Variants in MTHFD2L observed in about 807,000 individuals in gnomAD.
MTHFD2L encodes methylenetetrahydrofolate dehydrogenase (NADP+ dependent) 2 like.
MTHFD2L carries 29 observed loss-of-function variants against 34.9 expected under a neutral mutation model. That is an observed-to-expected ratio of 0.83 (90% CI 0.62 to 1.13). The LOEUF (loss-of-function observed/expected upper bound fraction) is 1.13, where lower values mean the gene tolerates loss of function less well. Among genes scored for constraint, MTHFD2L ranks in the 50% most tolerant of loss-of-function variants. The probability of loss-of-function intolerance (pLI) is 0.00; values close to 1 mark genes in which losing one functional copy is unlikely to be tolerated. For synonymous variants in MTHFD2L, 167 were observed against 155.7 expected, an observed-to-expected ratio of 1.07 and a Z score of -0.54; for missense variants, 481 against 446.5, an observed-to-expected ratio of 1.08 and a Z score of -0.70.
upstream of MTHFD2L, among the ~76,000 whole-genome samples, chr4:74,153,369 A>T (rs1385747619): frequency 2.0e-5 from 3 of 152,354 alleles, no homozygotes; most frequent in East Asian, 5.8e-4. Flanking sequence ...AAATAATTAC[A>T]TGGACGCATA....
intron 7 of MTHFD2L, among the ~76,000 whole-genome samples, chr4:74,293,025 G>GT (rs1026359273): frequency 1.4e-4 from 21 of 151,464 alleles, no homozygotes; most frequent in African/African-American, 4.9e-4. Context: ...TATTTATTTT[G>GT]TTTTTTATGG....
intron 7 of MTHFD2L, among the ~76,000 whole-genome samples, chr4:74,286,186 A>T (rs529696497): frequency 6.6e-6 from 1 of 152,278 alleles, no homozygotes; most frequent in South Asian, 2.1e-4. Flanking sequence ...CTATTACTTG[A>T]ACATACTTCC....
At chr4:74,170,204 T>C (rs1334676007) in intron 1 of MTHFD2L, among the ~76,000 whole-genome samples, 1 of 152,220 alleles carries the variant, frequency 6.6e-6, no homozygotes, top group Non-Finnish European at 1.5e-5. Context: ...ACACCTCTTA[T>C]GCATGTAGAT....
At chr4:74,285,638 C>A (rs889230220) in intron 7 of MTHFD2L, among the ~76,000 whole-genome samples, 48 of 151,928 alleles carry the variant, frequency 3.2e-4, no homozygotes, top group African/African-American at 1.1e-3. Flanking sequence ...CATTTATAGA[C>A]CACAGTAAGA....
At chr4:74,164,279 G>A (rs890738147) in intron 1 of MTHFD2L, among the ~76,000 whole-genome samples, 2 of 152,150 alleles carry the variant, frequency 1.3e-5, no homozygotes, top group East Asian at 1.9e-4. Context: ...CCAAGTATAC[G>A]AATTAAATAA....
At position 74,145,475 on chromosome 4, in the gene MTHFD2L, T is replaced by G. The variant is rs138242532; in HGVS notation, c.-296-14580T>G. On this transcript the variant is annotated intron_variant, in intron 1 of 7. Coordinates refer to the MTHFD2L transcript ENST00000433372. ...ATGTCCTGGAGCCAGTCTCCCAGAA[T>G]ACCAAGGGATGGCTACACTTTCCAA... Among the ~76,000 whole-genome samples the G allele has an allele frequency of 3.3e-5, 5 of 152,286 alleles. No individual in the cohort carries two copies. The East Asian group carries it at 9.6e-4, about 29-fold the overall frequency.
Position 74,302,554 on chromosome 4 carries a change from C to T in MTHFD2L, c.*745C>T, listed in dbSNP as rs1483778804. 1.3e-5 allele frequency: 2 copies of T among 151,906 alleles called. No individual in the cohort carries two copies. Among genetic ancestry groups the T allele is most frequent in the Non-Finnish European group, 2.9e-5 (2 of 67,960 alleles). The allele number at this position is 151,906 out of a possible 1,614,324, so 9.4% of individuals were successfully genotyped here. The stretch of plus-strand genomic sequence containing the variant: ...TGAAGAATGTGTTAGGTTTAAACGT[C>T]GTTTCTTTCTTCTAAAAAATATTTG... On this transcript the variant is annotated 3_prime_UTR_variant, in exon 8 of 8. Transcript: ENST00000325278.
intron 1 of MTHFD2L, among the ~76,000 whole-genome samples, chr4:74,162,468 GGT>G (rs926815900): frequency 1.3e-5 from 2 of 151,020 alleles, no homozygotes; most frequent in African/African-American, 4.9e-5. Flanking sequence ...CTAAAGTGAG[GGT>G]GTGTGTATAG....
rs1229248347 is a variant in MTHFD2L, at chr4:74,281,525, A to G, written c.906A>G (p.Lys302=). ...ACGATCCAGTGACAGGAAAGACAAA[A>G]TTAGTTGGAGATGTGGACTTCGAAG... ...YVHDPVTGKT[K]LVGDVDFEAV... is the part of the protein sequence containing the mutation. Residue 302 remains lysine, a synonymous_variant, in exon 7 of 8, where the codon AAA becomes AAG. Transcript: ENST00000325278. 12 of 1,612,360 alleles carry G rather than the reference A, an allele frequency of 7.4e-6. No homozygotes were observed. Among genetic ancestry groups the G allele is most frequent in the Non-Finnish European group, 1.0e-5 (12 of 1,179,082 alleles).
chr4:74,158,036 T>A, upstream of MTHFD2L: 1 of 1,499,002 alleles, frequency 6.7e-7, no homozygotes, highest in Non-Finnish European at 9.0e-7. Context: ...AAGCGCTACT[T>A]GCTGCCCTGC....
At chr4:74,159,434 A>C (rs1724925507) in intron 1 of MTHFD2L, among the ~76,000 whole-genome samples, 1 of 152,186 alleles carries the variant, frequency 6.6e-6, no homozygotes, top group African/African-American at 2.4e-5. Context: ...ATTTGCCGTC[A>C]CTCTAAATTA....
At chr4:74,251,689 T>C (rs1038870179) in intron 6 of MTHFD2L, among the ~76,000 whole-genome samples, 4 of 152,142 alleles carry the variant, frequency 2.6e-5, no homozygotes, top group African/African-American at 4.8e-5. Context: ...CTAAACCCCA[T>C]TGTGCTTGAT....
At position 74,298,487 on chromosome 4, in the gene MTHFD2L, C is replaced by T. The variant is rs905942107; in HGVS notation, c.932-3210C>T. Among the ~76,000 whole-genome samples, 5 of 152,088 alleles carry T rather than the reference C, an allele frequency of 3.3e-5. No homozygotes were observed. In the East Asian group the frequency reaches 9.7e-4, roughly 29 times the overall value. On this transcript the variant is annotated intron_variant, in intron 7 of 7. Coordinates refer to ENST00000325278, the MANE Select transcript of MTHFD2L (RefSeq NM_001144978.3). ...TCATTCCCATTCCCTCCTCCTCCACCCAAACCTCACTTTTTGAGCAAAAGA... is the reference window on the plus strand; with the variant it reads ...TCATTCCCATTCCCTCCTCCTCCACTCAAACCTCACTTTTTGAGCAAAAGA...
At chr4:74,282,086 C>T (rs552996816) in intron 7 of MTHFD2L, among the ~76,000 whole-genome samples, 1 of 151,766 alleles carries the variant, frequency 6.6e-6, no homozygotes, top group South Asian at 2.1e-4. Flanking sequence ...TTTTTGTGGT[C>T]GATGAAAGAT....
At chr4:74,201,151 ATAAT>A in intron 4 of MTHFD2L, 108 bp from the exon 5 acceptor site, 1 of 689,554 alleles carries the variant, frequency 1.5e-6, no homozygotes, top group East Asian at 2.8e-5. Context: ...AAGCCACATA[ATAAT>A]TCAGATTTAA....
chr4:74,183,312 G>A (rs1362905726), intron 3 of MTHFD2L: 1 of 152,114 alleles, frequency 6.6e-6, no homozygotes, highest in Non-Finnish European at 1.5e-5. Context: ...TATGAGACAT[G>A]TGAGGAAGAG....
chr4:74,253,512 CCTT>C (rs1227632564), intron 6 of MTHFD2L, among the ~76,000 whole-genome samples: 1 of 152,194 alleles, frequency 6.6e-6, no homozygotes. Context: ...CCACTTCACA[CCTT>C]CCTCAAGCCT....
chr4:74,178,289 A>G (rs573610551), intron 3 of MTHFD2L, among the ~76,000 whole-genome samples: 2 of 152,230 alleles, frequency 1.3e-5, no homozygotes, highest in Admixed American at 6.6e-5. Flanking sequence ...TTCATAATGT[A>G]TACATATGTC....
chr4:74,119,834 T>A (rs528912272), upstream of MTHFD2L, among the ~76,000 whole-genome samples: 4 of 152,060 alleles, frequency 2.6e-5, no homozygotes, highest in South Asian at 8.3e-4. Context: ...AATTACAGGG[T>A]CATTGCACCA....
Sources: gnomAD v4.1 joint callset for allele counts (sites outside exome capture counted in the v4.1 genomes callset) on GRCh38, gnomAD v4.1.1 for gene constraint, MANE v1.5 for transcripts, NCBI Gene and HGNC (gene_info 2026-07-23, HGNC 2026-07-21) for gene names.